The following BLTP1 variants were observed in gnomAD, a reference collection of about 807,000 sequenced individuals.
The protein encoded by BLTP1 is bridge-like lipid transfer protein family member 1.
the BLTP1 span, chr4:122,313,517 G>A: frequency 7.4e-6 from 5 of 678,646 alleles, no homozygotes; most frequent in East Asian, 1.3e-4. Flanking sequence ...AGGAAGGATA[G>A]TAATCCTCTT....
chr4:122,354,136 A>G, the BLTP1 span: 2 of 864,260 alleles, frequency 2.3e-6, no homozygotes, highest in Non-Finnish European at 3.5e-6. Flanking sequence ...TTTTCATTTT[A>G]ATCTTGCTGG....
the BLTP1 span, chr4:122,281,807 A>T: frequency 1.4e-6 from 2 of 1,455,836 alleles, no homozygotes; most frequent in Non-Finnish European, 1.8e-6. Flanking sequence ...CTCTCTTAAA[A>T]TTTATGATTT....
chr4:122,229,887 T>C, the BLTP1 span: 3 of 1,557,538 alleles, frequency 1.9e-6, 1 homozygote, highest in South Asian at 3.6e-5. Flanking sequence ...TACTTAAAAA[T>C]ACAGAAATTA....
At chr4:122,281,740 C>T in the BLTP1 span, 1 of 1,581,450 alleles carries the variant, frequency 6.3e-7, no homozygotes, top group Admixed American at 1.8e-5. Context: ...AAGCAGAATA[C>T]AAGATGGGAA....
chr4:122,346,846 G>T, the BLTP1 span: 699 of 1,537,342 alleles, frequency 4.5e-4, no homozygotes, highest in Non-Finnish European at 5.7e-4. Flanking sequence ...ACTTGGCAGG[G>T]TGTACCATGT....
the BLTP1 span, chr4:122,248,056 T>C: frequency 3.0e-6 from 3 of 985,176 alleles, no homozygotes; most frequent in Non-Finnish European, 3.6e-6. Flanking sequence ...ATTTTATAGG[T>C]TCTGAAGTTT....
the BLTP1 span, chr4:122,291,603 G>C: frequency 2.9e-6 from 1 of 350,516 alleles, no homozygotes; most frequent in Admixed American, 6.5e-5. Flanking sequence ...ATTTGTCCAC[G>C]AAGGACTTTC....
At chr4:122,172,911 G>A in the BLTP1 span, 3 of 1,544,086 alleles carry the variant, frequency 1.9e-6, no homozygotes, top group African/African-American at 1.4e-5. Context: ...GAATGAAGAA[G>A]AGGAAGAAAG....
chr4:122,324,350 A>G, the BLTP1 span: 1 of 1,412,964 alleles, frequency 7.1e-7, no homozygotes, highest in Non-Finnish European at 9.5e-7. Context: ...TTAATAGTAG[A>G]ATATTTTCTT....
the BLTP1 span, chr4:122,276,492 C>T: frequency 3.1e-6 from 3 of 982,178 alleles, no homozygotes; most frequent in South Asian, 9.4e-5. Context: ...TTTTCATGGC[C>T]TTTACTATAT....
At chr4:122,170,105 A>G in the BLTP1 span, 1 of 530,660 alleles carries the variant, frequency 1.9e-6, no homozygotes. Flanking sequence ...TCAGGAGTTC[A>G]AGACCAGCCT....
the BLTP1 span, chr4:122,345,833 G>T: frequency 6.4e-6 from 1 of 155,134 alleles, no homozygotes; most frequent in East Asian, 1.9e-4. Context: ...AGGGAATGAG[G>T]AGTGGGTTCA....
At chr4:122,154,546 A>G in the BLTP1 span, 1 of 905,340 alleles carries the variant, frequency 1.1e-6, no homozygotes, top group Non-Finnish European at 1.3e-6. Flanking sequence ...CTTGCTCTTT[A>G]ATCTACCTAT....
At chr4:122,210,545 T>A in the BLTP1 span, among the ~76,000 whole-genome samples, 1 of 152,092 alleles carries the variant, frequency 6.6e-6, no homozygotes, top group African/African-American at 2.4e-5. Flanking sequence ...TATGAAAAAA[T>A]TTTGTAGTTA....
chr4:122,222,906 A>G, the BLTP1 span: 46,716 of 730,066 alleles, frequency 0.064, 2,108 homozygotes, highest in East Asian at 0.29. Context: ...AACATTTAGA[A>G]TATAATATTT....
At chr4:122,279,709 T>G in the BLTP1 span, 1 of 1,511,946 alleles carries the variant, frequency 6.6e-7, no homozygotes, top group Non-Finnish European at 8.9e-7. Flanking sequence ...CTCTCAATAT[T>G]TTTTCAAAAT....
the BLTP1 span, chr4:122,208,592 C>T: frequency 2.1e-6 from 2 of 975,274 alleles, no homozygotes; most frequent in Non-Finnish European, 2.4e-6. Flanking sequence ...AAAAACTGAA[C>T]TTAAAAAAAA....
At chr4:122,176,915 T>C in the BLTP1 span, among the ~76,000 whole-genome samples, 2 of 152,212 alleles carry the variant, frequency 1.3e-5, no homozygotes, top group Admixed American at 1.3e-4. Flanking sequence ...AAACAGACTC[T>C]AGGAAACACA....
At chr4:122,209,761 C>A in the BLTP1 span, 1 of 1,582,258 alleles carries the variant, frequency 6.3e-7, no homozygotes. Context: ...ACTGGTATCT[C>A]TGTACAATTA....
Sources: allele counts gnomAD v4.1 joint callset (sites outside exome capture counted in the v4.1 genomes callset), GRCh38; gene constraint gnomAD v4.1.1; transcripts MANE v1.5; gene names NCBI Gene and HGNC (gene_info 2026-07-23, HGNC 2026-07-21).